OTUD3: variants seen among roughly 807,000 people sequenced by gnomAD.
OTUD3 encodes OTU deubiquitinase 3.
OTUD3 carries 24 observed loss-of-function variants against 46.2 expected under a neutral mutation model. The observed-to-expected ratio is 0.52, with a 90% confidence interval of 0.38 to 0.73. OTUD3 has a LOEUF of 0.73. Ranked by LOEUF, OTUD3 falls within the 30% of genes least tolerant of loss-of-function variation. The pLI is 0.00. For missense variants in OTUD3, 455 were observed against 523.3 expected (o/e 0.87, Z 1.27); for synonymous variants, 189 against 195.4 (o/e 0.97, Z 0.27).
intron 1 of OTUD3, among the ~76,000 whole-genome samples, chr1:19,888,336 G>A (rs2045399715): frequency 6.6e-6 from 1 of 152,202 alleles, no homozygotes; most frequent in Admixed American, 6.5e-5. Context: ...CCTTTGGGCA[G>A]CGGTGCTTTG....
chr1:19,897,582 G>A lies in OTUD3; in HGVS notation c.526G>A (p.Ala176Thr). Residue 176 changes from alanine to threonine, a missense_variant, in exon 4 of 8, where the codon GCA (alanine) becomes ACA (threonine). Physicochemically the swap from Ala to Thr is moderately conservative, Grantham distance 58. Transcript: ENST00000375120. The stretch of plus-strand genomic sequence containing the variant: ...AAGCAGCGTGAGGGAGTTACACATC[G>A]CATATCGGTATGGAGAGCACTACGA... Reference protein sequence around the residue: ...EKSSVRELHIAYRYGEHYDSV... With the variant: ...EKSSVRELHITYRYGEHYDSV... 1.9e-6 allele frequency: 3 copies of A among 1,613,922 alleles called. No individual in the cohort carries two copies. The East Asian group carries it at 6.7e-5, about 36-fold the overall frequency.
Position 19,906,511 on chromosome 1 carries a change from C to T in OTUD3, c.915C>T (p.Ala305=), listed in dbSNP as rs1178006701. The T allele has an allele frequency of 6.2e-7, 1 of 1,613,854 alleles. No homozygotes were observed. Among genetic ancestry groups the T allele is most frequent in the Admixed American group, 1.7e-5 (1 of 59,996 alleles). The change falls in exon 7 of 8, where the codon GCC becomes GCT. Residue 305 remains alanine, a synonymous_variant. Transcript: ENST00000375120. ...TGTGGGAGGAGGGTGGCAGTGGTGC[C>T]AGAATCTTTGGAAATCAGGGCTTAA... ...GPLWEEGGSG[A]RIFGNQGLNE...
chr1:19,892,481 A>G (rs543783666), intron 2 of OTUD3, among the ~76,000 whole-genome samples: 4 of 152,312 alleles, frequency 2.6e-5, no homozygotes, highest in South Asian at 4.2e-4. Context: ...TCACTATACT[A>G]TTAAGGACCT....
At chr1:19,887,962 G>T (rs541216338) in intron 1 of OTUD3, among the ~76,000 whole-genome samples, 4 of 152,104 alleles carry the variant, frequency 2.6e-5, no homozygotes, top group South Asian at 2.1e-4. Flanking sequence ...AAATTATTGC[G>T]CACTCAAAAC....
chr1:19,897,466 C>T (rs761874311), intron 3 of OTUD3, 74 bp from the exon 4 acceptor site: 7 of 1,536,470 alleles, frequency 4.6e-6, no homozygotes, highest in Non-Finnish European at 6.2e-6. Flanking sequence ...CCTCAGCAGT[C>T]CAGGTGGGTG....
rs2045732066 is a variant in OTUD3, at chr1:19,911,407, T to TTGA, written c.*3661_*3662insTGA. On this transcript the variant is annotated 3_prime_UTR_variant, in exon 8 of 8. Transcript: ENST00000375120. ...AAGTAAATTTTTTTTTTTTTTTTTT[T>TTGA]GAGACAGAGTCTTGCTTTGTTGCCC... The TTGA allele has an allele frequency of 6.6e-6, 1 of 151,092 alleles. No homozygotes were observed. The highest frequency in any genetic ancestry group is 2.4e-5 in the African/African-American group (1 of 40,986). The allele number at this position is 151,092 out of a possible 1,614,324, so 9.4% of individuals were successfully genotyped here. A position where few individuals can be genotyped will look rare whatever the true frequency, so the allele number is the denominator to read the frequency against.
chr1:19,901,779 T>C (rs1170961929), intron 4 of OTUD3, among the ~76,000 whole-genome samples: 1 of 152,244 alleles, frequency 6.6e-6, no homozygotes, highest in Non-Finnish European at 1.5e-5. Flanking sequence ...TGACTTTTTC[T>C]TTGTGGCTTC....
intron 4 of OTUD3, among the ~76,000 whole-genome samples, chr1:19,901,002 C>T (rs768127250): frequency 5.3e-5 from 8 of 150,324 alleles, no homozygotes; most frequent in East Asian, 3.9e-4. Context: ...CTCTGCCTCC[C>T]GGGTTCAAGC....
intron 2 of OTUD3, among the ~76,000 whole-genome samples, chr1:19,890,784 T>TA (rs2045435658): frequency 6.6e-6 from 1 of 152,344 alleles, no homozygotes; most frequent in East Asian, 1.9e-4. Context: ...CATGACTTCT[T>TA]ACTCTGTGGG....
At chr1:19,906,256 T>A (rs1047989096) in intron 6 of OTUD3, among the ~76,000 whole-genome samples, 176 bp from the exon 7 acceptor site, 4 of 152,238 alleles carry the variant, frequency 2.6e-5, no homozygotes. Context: ...CTTCCAACTT[T>A]TACCAACTTT....
rs1438032764 is a variant in OTUD3 at position 19,882,627 on chromosome 1, G to T, written c.114G>T (p.Arg38=). The T allele has an allele frequency of 1.4e-6, 2 of 1,460,066 alleles. No homozygotes were observed. Among genetic ancestry groups the T allele is most frequent in the African/African-American group, 2.9e-5 (2 of 68,052 alleles). The allele number at this position is 1,460,066 out of a possible 1,614,324, so 90.4% of individuals were successfully genotyped here. A position where few individuals can be genotyped will look rare whatever the true frequency, so the allele number is the denominator to read the frequency against. The part of the protein sequence containing the change: ...AARRALAKER[R]NRPESGGGGG... Reference sequence around the variant, plus strand: ...GCCGGGCCCTGGCCAAGGAGCGGCGGAATCGGCCGGAGTCTGGCGGCGGCG... The same window carrying T: ...GCCGGGCCCTGGCCAAGGAGCGGCGTAATCGGCCGGAGTCTGGCGGCGGCG... Residue 38 remains arginine (R), a synonymous_variant, in exon 1 of 8, where the codon CGG becomes CGT. Coordinates refer to ENST00000375120, the MANE Select transcript of OTUD3 (RefSeq NM_015207.2).
At chr1:19,900,783 G>A (rs182251233) in intron 4 of OTUD3, among the ~76,000 whole-genome samples, 98 of 151,640 alleles carry the variant, frequency 6.5e-4, no homozygotes, top group African/African-American at 2.2e-3. Flanking sequence ...TTAAAATCTG[G>A]TAGGATTTTT....
chr1:19,890,968 T>G (rs1218933852), intron 2 of OTUD3, among the ~76,000 whole-genome samples: 3 of 152,240 alleles, frequency 2.0e-5, no homozygotes, highest in Admixed American at 6.5e-5. Context: ...AGGGAGATAA[T>G]AATAGCATCT....
At position 19,902,131 on chromosome 1, in the gene OTUD3, A is replaced by G. The variant is rs146971082; in HGVS notation, c.607-2136A>G. Among the ~76,000 whole-genome samples the G allele has an allele frequency of 2.4e-3, 358 of 152,290 alleles. 3 individuals are homozygous for G. The highest frequency in any genetic ancestry group is 8.3e-3 in the African/African-American group (343 of 41,550). On this transcript the variant is annotated intron_variant, in intron 4 of 7. Coordinates refer to ENST00000375120, the MANE Select transcript of OTUD3 (RefSeq NM_015207.2). ...CTGCACTGTTTTACTTGCCACCGGTAATGTATGAAGGCTCTGCTTTCTCTT... is the reference window on the plus strand; with the variant it reads ...CTGCACTGTTTTACTTGCCACCGGTGATGTATGAAGGCTCTGCTTTCTCTT...
Position 19,882,638 on chromosome 1 carries a change from A to G in OTUD3, c.125A>G (p.Glu42Gly), listed in dbSNP as rs1011691217. ...ALAKERRNRP[E>G]SGGGGGCEEE... ...GCCAAGGAGCGGCGGAATCGGCCGGAGTCTGGCGGCGGCGGCGGCTGCGAG... is the reference window on the plus strand; with the variant it reads ...GCCAAGGAGCGGCGGAATCGGCCGGGGTCTGGCGGCGGCGGCGGCTGCGAG... The change falls in exon 1 of 8, where the codon GAG becomes GGG. Residue 42 changes from glutamate (E) to glycine (G), a missense_variant. Physicochemically the swap from Glu to Gly is moderately conservative, Grantham distance 98. Coordinates refer to ENST00000375120, the MANE Select transcript of OTUD3 (RefSeq NM_015207.2). 2.7e-6 allele frequency: 4 copies of G among 1,462,022 alleles called. No individual in the cohort carries two copies. The African/African-American group carries it at 4.4e-5, about 16-fold the overall frequency. The allele number at this position is 1,462,022 out of a possible 1,614,324, so 90.6% of individuals were successfully genotyped here. A position where few individuals can be genotyped will look rare whatever the true frequency, so the allele number is the denominator to read the frequency against.
rs1250919838 is a variant in OTUD3, at chr1:19,897,771, T to G, written c.606+109T>G. On this transcript the variant is annotated intron_variant, in intron 4 of 7. Coordinates refer to ENST00000375120, the MANE Select transcript of OTUD3 (RefSeq NM_015207.2). Reference sequence around the variant, plus strand: ...TAATGTTTTTGTAGAAAGTTGGCATTGAGAATCTGTGGGCCTGATTTTAAA... The same window carrying G: ...TAATGTTTTTGTAGAAAGTTGGCATGGAGAATCTGTGGGCCTGATTTTAAA... The G allele has an allele frequency of 5.4e-6, 6 of 1,109,482 alleles. No individual in the cohort carries two copies. The South Asian group carries it at 9.8e-5, about 18-fold the overall frequency. The allele number at this position is 1,109,482 out of a possible 1,614,324, so 68.7% of individuals were successfully genotyped here.
intron 4 of OTUD3, among the ~76,000 whole-genome samples, chr1:19,899,586 G>C (rs1388912024): frequency 1.3e-5 from 2 of 152,166 alleles, no homozygotes; most frequent in Non-Finnish European, 2.9e-5. Flanking sequence ...TACCTTTTAT[G>C]TACCTCATTT....
intron 2 of OTUD3, among the ~76,000 whole-genome samples, chr1:19,893,137 C>T (rs564607779): frequency 9.9e-5 from 15 of 152,268 alleles, no homozygotes; most frequent in South Asian, 4.2e-4. Flanking sequence ...CCTTACCTCC[C>T]GCTCCTCAAT....
At chr1:19,887,311 T>C (rs2045378348) in intron 1 of OTUD3, among the ~76,000 whole-genome samples, 1 of 152,178 alleles carries the variant, frequency 6.6e-6, no homozygotes, top group South Asian at 2.1e-4. Flanking sequence ...TTCAAACTGC[T>C]GACCTCAGGT....
Sources: allele counts gnomAD v4.1 joint callset (sites outside exome capture counted in the v4.1 genomes callset), GRCh38; gene constraint gnomAD v4.1.1; transcripts MANE v1.5; gene names NCBI Gene and HGNC (gene_info 2026-07-23, HGNC 2026-07-21).